The following TRDMT1 variants were observed in gnomAD, a reference collection of about 807,000 sequenced individuals.
TRDMT1 encodes tRNA (cytosine(38)-C(5))-methyltransferase.
In TRDMT1, 49 loss-of-function variants were observed where a neutral mutation model predicts 51.2. The ratio of observed to expected loss-of-function variants is 0.96; its 90% CI spans 0.76 to 1.21. The LOEUF (loss-of-function observed/expected upper bound fraction) is 1.21, where lower values mean the gene tolerates loss of function less well. Ranked by LOEUF, TRDMT1 falls within the 50% of genes most tolerant of loss-of-function variation. The probability of loss-of-function intolerance (pLI) is 0.00; values close to 1 mark genes in which losing one functional copy is unlikely to be tolerated. For missense variants in TRDMT1, 534 were observed against 462.3 expected (o/e 1.16, Z -1.42); for synonymous variants, 187 against 164.6 (o/e 1.14, Z -1.04).
At chr10:17,153,743 C>T in intron 9 of TRDMT1, 107 bp from the exon 10 acceptor site, 10 of 1,225,678 alleles carry the variant, frequency 8.2e-6, no homozygotes, top group South Asian at 3.2e-5. Context: ...TGCTGTAACA[C>T]ACAGTGGCAA....
rs570616275 is a variant in TRDMT1 at position 17,141,353 on chromosome 10, G to T, written c.*7687C>A. On this transcript the variant is annotated 3_prime_UTR_variant, in exon 11 of 11. Transcript: ENST00000377799. ...ATTTTTTTGATTTTAGTAGAGACGG[G>T]GTTTCACCATGTTGGAAAGGATGGT... Among the ~76,000 whole-genome samples the T allele has an allele frequency of 3.9e-5, 6 of 152,144 alleles. No individual in the cohort carries two copies. The East Asian group carries it at 1.2e-3, about 29-fold the overall frequency.
rs749926553 is a variant in TRDMT1 at position 17,141,468 on chromosome 10, C to A, written c.*7572G>T. ...AGCCACCGCGCCCAGCCTCCAGCTG[C>A]TTTTAAGGTTTTGCCAAATTTGGGA... On this transcript the variant is annotated 3_prime_UTR_variant, in exon 11 of 11. Coordinates refer to ENST00000377799, the MANE Select transcript of TRDMT1 (RefSeq NM_004412.7). 1.8e-4 allele frequency among the ~76,000 whole-genome samples: 28 copies of A among 151,852 alleles called. No individual in the cohort carries two copies. The highest frequency in any genetic ancestry group is 3.4e-4 in the Non-Finnish European group (23 of 67,954).
intron 1 of TRDMT1, among the ~76,000 whole-genome samples, chr10:17,198,274 T>C (rs1453562502): frequency 1.3e-5 from 2 of 152,200 alleles, no homozygotes; most frequent in African/African-American, 4.8e-5. Flanking sequence ...AGTATTATCA[T>C]ATGATCCAGC....
rs1845525166 is a variant in TRDMT1 at position 17,196,922 on chromosome 10, G to GT, written c.64+4648dup. Among the ~76,000 whole-genome samples, 3 of 152,138 alleles carry GT rather than the reference G, an allele frequency of 2.0e-5. No individual in the cohort carries two copies. The South Asian group carries it at 6.2e-4, about 32-fold the overall frequency. The stretch of plus-strand genomic sequence containing the variant: ...ACCCATCTTTCTGGCAAGGGAGGTG[G>GT]TAAGAGGCATCCACCTCTCAAGGGA... On this transcript the variant is annotated intron_variant, in intron 1 of 10. Transcript: ENST00000377799.
In TRDMT1 at chr10:17,144,162, TTCTCTTTC is replaced by T. The variant is rs1837909994; in HGVS notation, c.*4870_*4877del. 1 of 985,512 alleles carries T rather than the reference TTCTCTTTC, an allele frequency of 1.0e-6. No individual in the cohort carries two copies. Among genetic ancestry groups the T allele is most frequent in the Non-Finnish European group, 1.2e-6 (1 of 829,962 alleles). 61.0% of individuals were successfully genotyped at this position (985,512 alleles called of 1,614,324 possible). On this transcript the variant is annotated 3_prime_UTR_variant, in exon 11 of 11. Transcript: ENST00000377799. ...CAGCTCCAAGCCTCTGCTCTTCTTT[TTCTCTTTC>T]TCTCTTTCACTCTCATCCTCTGACC... is the stretch of plus-strand genomic sequence containing the variant.
intron 1 of TRDMT1, among the ~76,000 whole-genome samples, chr10:17,185,863 A>T (rs1472843648): frequency 6.6e-6 from 1 of 152,026 alleles, no homozygotes; most frequent in Non-Finnish European, 1.5e-5. Context: ...CAATGAGAAC[A>T]CTTGGACACA....
In TRDMT1 at chr10:17,137,908, G is replaced by T. The variant is rs1325284532; in HGVS notation, c.*11132C>A. Among the ~76,000 whole-genome samples the T allele has an allele frequency of 6.6e-6, 1 of 152,098 alleles. No individual in the cohort carries two copies. The highest frequency in any genetic ancestry group is 1.9e-4 in the East Asian group (1 of 5,194). On this transcript the variant is annotated 3_prime_UTR_variant, in exon 11 of 11. Transcript: ENST00000377799. ...GAAGGAAAGTGGCTGGGTAAAGGAA[G>T]AGACATCGACAGAAGGCCTTAAGTG...
chr10:17,190,267 A>G (rs1256555351), intron 1 of TRDMT1, among the ~76,000 whole-genome samples: 2 of 152,164 alleles, frequency 1.3e-5, no homozygotes, highest in Non-Finnish European at 2.9e-5. Context: ...AAGGCAACAG[A>G]GATTCTAAAA....
chr10:17,194,328 C>A (rs1238896006), intron 1 of TRDMT1, among the ~76,000 whole-genome samples: 2 of 152,128 alleles, frequency 1.3e-5, no homozygotes, highest in Admixed American at 6.5e-5. Context: ...AAACTACAGA[C>A]CTTCGGCACA....
At chr10:17,156,158 T>C (rs1028699412) in intron 8 of TRDMT1, among the ~76,000 whole-genome samples, 3 of 152,100 alleles carry the variant, frequency 2.0e-5, no homozygotes, top group East Asian at 1.9e-4. Flanking sequence ...AAAGCCTGAA[T>C]TGACAAATCA....
At chr10:17,191,958 A>G (rs1023105659) in intron 1 of TRDMT1, among the ~76,000 whole-genome samples, 1 of 152,242 alleles carries the variant, frequency 6.6e-6, no homozygotes, top group East Asian at 1.9e-4. Context: ...CTGAGGGTCA[A>G]GCTCGGCCAT....
intron 2 of TRDMT1, among the ~76,000 whole-genome samples, chr10:17,170,470 C>A (rs1185922168): frequency 6.6e-6 from 1 of 152,188 alleles, no homozygotes; most frequent in East Asian, 1.9e-4. Context: ...AGTCAGTGGG[C>A]TAACACTGTT....
rs1487894226 is a variant in TRDMT1 at position 17,141,306 on chromosome 10, CAT to C, written c.*7732_*7733del. On this transcript the variant is annotated 3_prime_UTR_variant, in exon 11 of 11. Transcript: ENST00000377799. Reference sequence around the variant, plus strand: ...CCTCCCGAGTAGCTGGGACTACAGGCATGCACCACCATGCCCGGCTAATTTTT... The same window carrying C: ...CCTCCCGAGTAGCTGGGACTACAGGCGCACCACCATGCCCGGCTAATTTTT... Among the ~76,000 whole-genome samples the C allele has an allele frequency of 1.5e-3, 233 of 152,278 alleles. 1 individual carries two copies. Among genetic ancestry groups the C allele is most frequent in the African/African-American group, 5.3e-3 (221 of 41,564 alleles).
intron 1 of TRDMT1, among the ~76,000 whole-genome samples, chr10:17,187,117 T>A (rs1403639159): frequency 6.6e-6 from 1 of 152,184 alleles, no homozygotes; most frequent in Non-Finnish European, 1.5e-5. Flanking sequence ...GGAACATGAC[T>A]GTCTCGTTCA....
chr10:17,191,913 T>TAG (rs1329541662), intron 1 of TRDMT1, among the ~76,000 whole-genome samples: 1 of 152,102 alleles, frequency 6.6e-6, no homozygotes, highest in Admixed American at 6.6e-5. Flanking sequence ...GCCTGACACT[T>TAG]CACCTGAGTC....
intron 10 of TRDMT1, chr10:17,151,705 G>C (rs893269935): frequency 2.3e-6 from 2 of 881,720 alleles, no homozygotes; most frequent in South Asian, 1.0e-4. Context: ...TTTAAAAAAT[G>C]AGAAAAATAT....
At chr10:17,178,361 A>G (rs896856006) in intron 1 of TRDMT1, among the ~76,000 whole-genome samples, 1 of 152,124 alleles carries the variant, frequency 6.6e-6, no homozygotes, top group African/African-American at 2.4e-5. Flanking sequence ...AGTAAAGTAT[A>G]TTGTTTGGTT....
At chr10:17,185,458 T>G (rs936179059) in intron 1 of TRDMT1, among the ~76,000 whole-genome samples, 12 of 152,154 alleles carry the variant, frequency 7.9e-5, no homozygotes, top group Non-Finnish European at 1.3e-4. Flanking sequence ...AGGAACACTT[T>G]TACACTGTTG....
At chr10:17,180,324 T>C (rs537035416) in intron 1 of TRDMT1, among the ~76,000 whole-genome samples, 1 of 152,234 alleles carries the variant, frequency 6.6e-6, no homozygotes, top group South Asian at 2.1e-4. Flanking sequence ...GTGGATCACC[T>C]GAGGTCAGGA....
Sources: gnomAD v4.1 joint callset for allele counts (sites outside exome capture counted in the v4.1 genomes callset) on GRCh38, gnomAD v4.1.1 for gene constraint, MANE v1.5 for transcripts, NCBI Gene and HGNC (gene_info 2026-07-23, HGNC 2026-07-21) for gene names.